EIF4G3: variants seen among roughly 807,000 people sequenced by gnomAD.
EIF4G3 encodes the protein eukaryotic translation initiation factor 4 gamma 3, also known as eIF-4-gamma 3.
Under a neutral mutation model 186.4 loss-of-function variants are expected in EIF4G3, and 34 were observed. That is an observed-to-expected ratio of 0.18 (90% CI 0.14 to 0.24). EIF4G3 has a LOEUF of 0.24. Among genes scored for constraint, EIF4G3 ranks in the 10% least tolerant of loss-of-function variants. EIF4G3 has a pLI of 1.00. For missense variants in EIF4G3, 1,536 were observed against 1,948.5 expected (o/e 0.79, Z 3.99); for synonymous variants, 673 against 679.5 (o/e 0.99, Z 0.15).
intron 2 of EIF4G3, among the ~76,000 whole-genome samples, chr1:21,152,221 C>T (rs1178833911): frequency 6.7e-6 from 1 of 149,830 alleles, no homozygotes; most frequent in African/African-American, 2.5e-5. Context: ...CCTATAATCC[C>T]AAGACTTTGG....
At chr1:20,824,597 G>A (rs1271967196) in intron 33 of EIF4G3, among the ~76,000 whole-genome samples, 6 of 152,152 alleles carry the variant, frequency 3.9e-5, no homozygotes, top group Non-Finnish European at 8.8e-5. Flanking sequence ...CTTCTGTTTT[G>A]TAGATTTCTG....
At chr1:21,161,563 T>C (rs1214028245) in intron 2 of EIF4G3, 3 of 152,174 alleles carry the variant, frequency 2.0e-5, no homozygotes, top group East Asian at 3.9e-4. Flanking sequence ...AAAGGAAGCA[T>C]TATCCTTTCA....
At chr1:20,951,877 T>C (rs2096238199) in intron 12 of EIF4G3, among the ~76,000 whole-genome samples, 3 of 152,132 alleles carry the variant, frequency 2.0e-5, no homozygotes, top group Admixed American at 2.0e-4. Flanking sequence ...CCTTCAATCA[T>C]ATAAAAGATG....
rs2095497784 is a variant in EIF4G3, at chr1:21,073,381, T to G, written c.-196+15757A>C. On this transcript the variant is annotated intron_variant, in intron 3 of 36. Coordinates refer to ENST00000602326, the MANE Select transcript of EIF4G3 (RefSeq NM_001391906.1). ...TTTAAAATTCAGGTCCTTAATTGCA[T>G]TAACCACGTTTCAAGTGCTCAAAAG... Among the ~76,000 whole-genome samples the G allele has an allele frequency of 2.0e-5, 3 of 152,176 alleles. No homozygotes were observed. In the South Asian group the frequency reaches 6.2e-4, roughly 32 times the overall value.
intron 3 of EIF4G3, among the ~76,000 whole-genome samples, chr1:21,069,011 C>T (rs1303485213): frequency 6.6e-6 from 1 of 152,190 alleles, no homozygotes; most frequent in Admixed American, 6.5e-5. Context: ...ATTAGAGATG[C>T]TCAACCTGTA....
chr1:20,902,899 C>G (rs2090853967), intron 15 of EIF4G3, among the ~76,000 whole-genome samples: 1 of 152,226 alleles, frequency 6.6e-6, no homozygotes, highest in Non-Finnish European at 1.5e-5. Flanking sequence ...CCTCAGCCTA[C>G]CAAAGTGCTA....
At chr1:20,883,536 G>C (rs1041287928) in intron 19 of EIF4G3, among the ~76,000 whole-genome samples, 2 of 152,052 alleles carry the variant, frequency 1.3e-5, no homozygotes, top group African/African-American at 4.8e-5. Context: ...AGAATCACTT[G>C]AACCTGGGAG....
At chr1:20,814,316 A>C in intron 34 of EIF4G3, among the ~76,000 whole-genome samples, 1 of 152,246 alleles carries the variant, frequency 6.6e-6, no homozygotes, top group East Asian at 1.9e-4. Context: ...TGTCCAATTC[A>C]TTGAAAAATA....
rs965485100 is a variant in EIF4G3 at position 21,176,226 on chromosome 1, ACCGCTGCCGCCGCCGCCGCCGCCG to A, written c.-347_-324del. 2.5e-5 allele frequency: 10 copies of A among 400,544 alleles called. No homozygotes were observed. The highest frequency in any genetic ancestry group is 2.1e-4 in the African/African-American group (9 of 43,440). The allele number at this position is 400,544 out of a possible 1,614,324, so 24.8% of individuals were successfully genotyped here. A position where few individuals can be genotyped will look rare whatever the true frequency, so the allele number is the denominator to read the frequency against. On this transcript the variant is annotated 5_prime_UTR_variant, in exon 2 of 37. Transcript: ENST00000602326. The stretch of plus-strand genomic sequence containing the variant: ...CCTGATGTTCGGGTGAGGAGGGGGG[ACCGCTGCCGCCGCCGCCGCCGCCG>A]CCGCCGCCGCCGCCGCTGCTGCCGC...
At chr1:21,143,087 A>G (rs904813058) in intron 2 of EIF4G3, among the ~76,000 whole-genome samples, 1 of 152,074 alleles carries the variant, frequency 6.6e-6, no homozygotes, top group South Asian at 2.1e-4. Context: ...TGTCTCTACT[A>G]AAAATACAAA....
intron 3 of EIF4G3, among the ~76,000 whole-genome samples, chr1:21,077,881 CAA>C (rs369662502): frequency 8.3e-5 from 5 of 60,082 alleles, no homozygotes; most frequent in Non-Finnish European, 1.7e-4. Flanking sequence ...AACTCCGTCT[CAA>C]AAAAAAAAAA....
chr1:20,847,837 C>T (rs1034353538), intron 29 of EIF4G3: 3 of 471,632 alleles, frequency 6.4e-6, no homozygotes, highest in African/African-American at 6.0e-5. Flanking sequence ...AAACTTCCTT[C>T]TACTTCTTCT....
intron 14 of EIF4G3, among the ~76,000 whole-genome samples, chr1:20,917,331 AAAC>A (rs2093991424): frequency 2.6e-5 from 4 of 152,198 alleles, no homozygotes; most frequent in South Asian, 4.1e-4. Flanking sequence ...CGGTCTCTAC[AAAC>A]AACAACAAAT....
intron 26 of EIF4G3, 91 bp downstream of exon 26, chr1:20,854,887 C>A (rs111479796): frequency 9.0e-7 from 1 of 1,115,006 alleles, no homozygotes; most frequent in South Asian, 1.4e-5. Context: ...ACATCTTTCC[C>A]AAAAACCATC....
chr1:20,916,243 G>A (rs985744979), intron 14 of EIF4G3, among the ~76,000 whole-genome samples: 2 of 151,968 alleles, frequency 1.3e-5, no homozygotes, highest in Non-Finnish European at 2.9e-5. Flanking sequence ...TCAGGAGATC[G>A]AGACCATCCC....
chr1:20,833,305 T>A (rs1236396157), intron 30 of EIF4G3, among the ~76,000 whole-genome samples: 1 of 151,988 alleles, frequency 6.6e-6, no homozygotes, highest in African/African-American at 2.4e-5. Context: ...GGTTTGTAGT[T>A]CTCCTTGAAG....
chr1:20,948,925 C>A (rs2096082425), intron 13 of EIF4G3, among the ~76,000 whole-genome samples: 1 of 139,880 alleles, frequency 7.1e-6, no homozygotes, highest in Admixed American at 7.7e-5. Context: ...AGGAGAATAG[C>A]TTGAGCCCAG....
At chr1:21,117,763 T>TAAAAAAAAAAAAAAAAAAAAAAA (rs757506833) in intron 2 of EIF4G3, among the ~76,000 whole-genome samples, 199 of 107,476 alleles carry the variant, frequency 1.9e-3, no homozygotes, top group East Asian at 6.6e-3. Context: ...AAAAAAAAAT[T>TAAAAAAAAAAAAAAAAAAAAAAA]AAAAGCAGAA....
intron 2 of EIF4G3, among the ~76,000 whole-genome samples, chr1:21,120,909 A>C (rs1009099685): frequency 3.3e-5 from 5 of 152,112 alleles, no homozygotes; most frequent in Non-Finnish European, 7.4e-5. Context: ...TAGTTTCCTA[A>C]CCTGTAAAAT....
Sources: gnomAD v4.1 joint callset for allele counts (sites outside exome capture counted in the v4.1 genomes callset) on GRCh38, gnomAD v4.1.1 for gene constraint, MANE v1.5 for transcripts, NCBI Gene and HGNC (gene_info 2026-07-23, HGNC 2026-07-21) for gene names.